Variants in ENTPD3 observed in about 807,000 individuals in gnomAD.
The protein encoded by ENTPD3 is ectonucleoside triphosphate diphosphohydrolase 3.
A neutral mutation model predicts 51.2 loss-of-function variants in ENTPD3; 60 were observed. That is an observed-to-expected ratio of 1.17 (90% CI 0.95 to 1.45). ENTPD3 has a LOEUF of 1.45. Ranked by LOEUF, ENTPD3 falls within the 40% of genes most tolerant of loss-of-function variation. ENTPD3 has a pLI of 0.00. For synonymous variants in ENTPD3, 221 were observed against 238.4 expected, an observed-to-expected ratio of 0.93 and a Z score of 0.67; for missense variants, 593 against 641.1, an observed-to-expected ratio of 0.93 and a Z score of 0.81.
At chr3:40,422,586 C>T (rs1248863283) in intron 7 of ENTPD3, among the ~76,000 whole-genome samples, 1 of 143,726 alleles carries the variant, frequency 7.0e-6, no homozygotes, top group Non-Finnish European at 1.5e-5. Flanking sequence ...CAATTCCCAT[C>T]TATGAGTGAG....
rs756093760 is a variant in ENTPD3 at position 40,423,912 on chromosome 3, C to T, written c.1302C>T (p.Asn434=). 22 of 1,613,972 alleles carry T rather than the reference C, an allele frequency of 1.4e-5. No homozygotes were observed. The highest frequency in any genetic ancestry group is 1.6e-4 in the Middle Eastern group (1 of 6,084). ...SANYIYHLFV[N]GYKFTEETWP... is the part of the protein sequence containing the mutation. ...ACTACATCTACCACTTGTTTGTGAA[C>T]GGTTACAAATTCACAGAGGAGACTT... Residue 434 remains asparagine (N), a synonymous_variant, in exon 10 of 11, where the codon AAC becomes AAT. Coordinates refer to ENST00000301825, the MANE Select transcript of ENTPD3 (RefSeq NM_001248.4).
chr3:40,415,634 A>C (rs540763495), intron 6 of ENTPD3, among the ~76,000 whole-genome samples: 1 of 152,042 alleles, frequency 6.6e-6, no homozygotes, highest in African/African-American at 2.4e-5. Flanking sequence ...AATCTACTTC[A>C]CTCATTTATT....
chr3:40,391,966 T>TACC, intron 2 of ENTPD3, 57 bp from the exon 3 acceptor site: 1 of 1,601,002 alleles, frequency 6.2e-7, no homozygotes, highest in Non-Finnish European at 8.5e-7. Context: ...CTACAAAGAA[T>TACC]ACCAGTGCCT....
At chr3:40,393,550 AG>A (rs1955115973) in intron 3 of ENTPD3, among the ~76,000 whole-genome samples, 1 of 152,194 alleles carries the variant, frequency 6.6e-6, no homozygotes, top group African/African-American at 2.4e-5. Flanking sequence ...CTTTTCTAAA[AG>A]ATTAGAGTAA....
intron 7 of ENTPD3, among the ~76,000 whole-genome samples, chr3:40,422,603 T>C (rs540773142): frequency 6.7e-6 from 1 of 148,690 alleles, no homozygotes; most frequent in African/African-American, 2.5e-5. Context: ...TGAGAACATG[T>C]GGTGTTTGGT....
Position 40,415,936 on chromosome 3 carries a change from G to A in ENTPD3, c.694G>A (p.Gly232Arg). The A allele has an allele frequency of 6.2e-7, 1 of 1,614,138 alleles. No homozygotes were observed. The highest frequency in any genetic ancestry group is 8.5e-7 in the Non-Finnish European group (1 of 1,180,012). The change falls in exon 7 of 11, where the codon GGA becomes AGA. Residue 232 changes from glycine (G) to arginine (R), a missense_variant. Transcript: ENST00000301825. ...GASTQISFVA[G>R]EKMDLNTSDI... ...CTCCACCCAAATATCCTTCGTGGCA[G>A]GAGAGAAGATGGATCTGAACACCAG... is the stretch of plus-strand genomic sequence containing the variant.
At chr3:40,399,473 C>T (rs1180915439) in intron 3 of ENTPD3, 1 of 152,176 alleles carries the variant, frequency 6.6e-6, no homozygotes, top group African/African-American at 2.4e-5. Context: ...AGGCAACTTA[C>T]CCAGTCCAGC....
chr3:40,414,489 T>A (rs141806337), intron 5 of ENTPD3, among the ~76,000 whole-genome samples, 192 bp from the exon 6 acceptor site: 1 of 152,320 alleles, frequency 6.6e-6, no homozygotes, highest in East Asian at 1.9e-4. Flanking sequence ...AACAAGTGCA[T>A]CCTGCCTTCA....
intron 10 of ENTPD3, 21 bp downstream of exon 10, chr3:40,423,984 T>G: frequency 6.2e-7 from 1 of 1,613,958 alleles, no homozygotes; most frequent in Non-Finnish European, 8.5e-7. Context: ...CACAAATCAT[T>G]TTCTCTTCTT....
At chr3:40,388,624 A>ACACACT (rs1954995320) in intron 2 of ENTPD3, among the ~76,000 whole-genome samples, 1 of 141,916 alleles carries the variant, frequency 7.0e-6, no homozygotes, top group Non-Finnish European at 1.5e-5. Flanking sequence ...ACACACACAC[A>ACACACT]CTTCTAAGCT....
chr3:40,427,722 C>T lies in ENTPD3; in HGVS notation c.*214C>T, dbSNP rs546953318. 1.3e-4 allele frequency: 77 copies of T among 570,452 alleles called. No homozygotes were observed. The highest frequency in any genetic ancestry group is 2.1e-4 in the Non-Finnish European group (68 of 318,344). 35.3% of individuals were successfully genotyped at this position (570,452 alleles called of 1,614,324 possible). ...ATTGTTCTTCAGAGACCTCACTACC[C>T]ACATGCTGATCTATTGGGGAACAGA... On this transcript the variant is annotated 3_prime_UTR_variant, in exon 11 of 11. Coordinates refer to ENST00000301825, the MANE Select transcript of ENTPD3 (RefSeq NM_001248.4).
intron 10 of ENTPD3, chr3:40,424,167 A>G: frequency 5.1e-6 from 5 of 985,408 alleles, no homozygotes; most frequent in Non-Finnish European, 6.0e-6. Context: ...TCTCCTGGAA[A>G]AGACTGGAAG....
intron 7 of ENTPD3, among the ~76,000 whole-genome samples, chr3:40,419,096 T>C (rs1478127150): frequency 6.6e-6 from 1 of 152,100 alleles, no homozygotes; most frequent in Non-Finnish European, 1.5e-5. Flanking sequence ...ACTTATTTTC[T>C]TTACTATTTA....
At chr3:40,420,553 A>ACCAATATTTCAG (rs1429415230) in intron 7 of ENTPD3, among the ~76,000 whole-genome samples, 1 of 151,690 alleles carries the variant, frequency 6.6e-6, no homozygotes, top group African/African-American at 2.4e-5. Flanking sequence ...TTTTCTTTCA[A>ACCAATATTTCAG]CCAATATTTC....
intron 9 of ENTPD3, 149 bp downstream of exon 9, chr3:40,423,550 C>T (rs1034277496): frequency 1.4e-6 from 1 of 731,282 alleles, no homozygotes; most frequent in African/African-American, 1.8e-5. Flanking sequence ...TACTCCCACA[C>T]CTGTGGTGTG....
chr3:40,427,537 GGCT>G lies in ENTPD3; in HGVS notation c.*33_*35del, dbSNP rs1416361315. The G allele has an allele frequency of 6.4e-7, 1 of 1,563,274 alleles. No individual in the cohort carries two copies. The highest frequency in any genetic ancestry group is 1.4e-5 in the African/African-American group (1 of 73,998). ...TTCAAAGCAGCTCCTGGAGTCCAATGGCTGCTTAGAGTCAGCCTGGGTGGCACC... is the reference window on the plus strand; with the variant it reads ...TTCAAAGCAGCTCCTGGAGTCCAATGGCTTAGAGTCAGCCTGGGTGGCACC... On this transcript the variant is annotated 3_prime_UTR_variant, in exon 11 of 11. Transcript: ENST00000301825.
At chr3:40,391,908 C>T (rs1255228179) in intron 2 of ENTPD3, 115 bp from the exon 3 acceptor site, 1 of 1,222,116 alleles carries the variant, frequency 8.2e-7, no homozygotes, top group East Asian at 2.3e-5. Flanking sequence ...CTCGCTAACA[C>T]CAGAGAAGGT....
chr3:40,415,553 G>A (rs1164603029), intron 6 of ENTPD3, among the ~76,000 whole-genome samples: 3 of 152,090 alleles, frequency 2.0e-5, no homozygotes, highest in Non-Finnish European at 2.9e-5. Flanking sequence ...TTCCTGCACG[G>A]TAACAGGAAC....
At chr3:40,424,814 A>G (rs923626057) in intron 10 of ENTPD3, 2 of 701,392 alleles carry the variant, frequency 2.9e-6, no homozygotes, top group African/African-American at 3.5e-5. Context: ...AGCCTGTTCA[A>G]TACCAGCTTC....
Sources: gnomAD v4.1 joint callset for allele counts (sites outside exome capture counted in the v4.1 genomes callset) on GRCh38, gnomAD v4.1.1 for gene constraint, MANE v1.5 for transcripts, NCBI Gene and HGNC (gene_info 2026-07-23, HGNC 2026-07-21) for gene names.